FARS2: variants seen among roughly 807,000 people sequenced by gnomAD.
FARS2 encodes the protein phenylalanyl-tRNA synthetase 2, mitochondrial, also known as phenylalanine--tRNA ligase, mitochondrial.
A neutral mutation model predicts 46.4 loss-of-function variants in FARS2; 40 were observed. The ratio of observed to expected loss-of-function variants is 0.86; its 90% CI spans 0.67 to 1.12. The LOEUF (loss-of-function observed/expected upper bound fraction) is 1.12, where lower values mean the gene tolerates loss of function less well. Among genes scored for constraint, FARS2 ranks in the 50% most tolerant of loss-of-function variants. FARS2 has a pLI of 0.00. For missense variants in FARS2, 513 were observed against 567.9 expected (o/e 0.90, Z 0.98); for synonymous variants, 234 against 214.9 (o/e 1.09, Z -0.78).
intron 4 of FARS2, among the ~76,000 whole-genome samples, chr6:5,534,856 C>T (rs1561692428): frequency 6.7e-6 from 1 of 150,060 alleles, no homozygotes; most frequent in Non-Finnish European, 1.5e-5. Context: ...CACACTTGCA[C>T]GCGCACACAC....
intron 4 of FARS2, among the ~76,000 whole-genome samples, chr6:5,499,676 A>G (rs1460289459): frequency 6.6e-6 from 1 of 152,228 alleles, no homozygotes; most frequent in African/African-American, 2.4e-5. Flanking sequence ...TTTGAACTTC[A>G]GGATCATTGT....
At chr6:5,713,868 C>T (rs60588971) in intron 6 of FARS2, among the ~76,000 whole-genome samples, 7 of 152,302 alleles carry the variant, frequency 4.6e-5, no homozygotes, top group South Asian at 4.1e-4. Flanking sequence ...AGCATATTGC[C>T]GTCTTGCTCT....
At chr6:5,349,284 G>C (rs1757425223) in intron 1 of FARS2, among the ~76,000 whole-genome samples, 3 of 152,044 alleles carry the variant, frequency 2.0e-5, no homozygotes, top group African/African-American at 7.2e-5. Flanking sequence ...AAAACATATT[G>C]GATCTGTATG....
At chr6:5,743,517 G>A (rs9504504) in intron 6 of FARS2, among the ~76,000 whole-genome samples, 1 of 152,226 alleles carries the variant, frequency 6.6e-6, no homozygotes, top group Non-Finnish European at 1.5e-5. Flanking sequence ...TTGAATATTA[G>A]AAGGTGAAAG....
intron 6 of FARS2, among the ~76,000 whole-genome samples, chr6:5,673,326 A>G (rs76987288): frequency 0.023 from 3,450 of 152,302 alleles, 142 homozygotes; most frequent in African/African-American, 0.077. Flanking sequence ...TCCTGCCTCC[A>G]GCACCTGCTT....
intron 1 of FARS2, among the ~76,000 whole-genome samples, chr6:5,296,460 C>T (rs1767898826): frequency 6.6e-6 from 1 of 152,074 alleles, no homozygotes; most frequent in Non-Finnish European, 1.5e-5. Context: ...CATTTTTAAG[C>T]ATACAGTTCG....
At chr6:5,349,562 A>G (rs962217188) in intron 1 of FARS2, among the ~76,000 whole-genome samples, 3 of 152,184 alleles carry the variant, frequency 2.0e-5, no homozygotes, top group African/African-American at 7.2e-5. Context: ...TAATCTTTGT[A>G]TTTTACACCC....
chr6:5,417,723 C>T (rs1400970525), intron 3 of FARS2, among the ~76,000 whole-genome samples: 2 of 152,038 alleles, frequency 1.3e-5, no homozygotes, highest in African/African-American at 2.4e-5. Flanking sequence ...ATACAGTTTT[C>T]TTCAGATTTC....
chr6:5,496,544 G>A (rs960151484), intron 4 of FARS2, among the ~76,000 whole-genome samples: 3 of 152,160 alleles, frequency 2.0e-5, no homozygotes, highest in East Asian at 1.9e-4. Context: ...AGTTCTGGAG[G>A]CTACAAATCT....
intron 1 of FARS2, among the ~76,000 whole-genome samples, chr6:5,273,965 G>T (rs558514877): frequency 1.6e-4 from 25 of 152,114 alleles, no homozygotes; most frequent in African/African-American, 5.1e-4. Flanking sequence ...ATTTATATCT[G>T]GTTCTCTATT....
rs191050382 is a variant in FARS2 at position 5,577,946 on chromosome 6, C to T, written c.1065+32606C>T. ...CCTCCCAAGTAGCTGGGACTACAGG[C>T]ACTTGCCACCATGCCTGGCTAATTT... On this transcript the variant is annotated intron_variant, in intron 5 of 6. Coordinates refer to ENST00000274680, the MANE Select transcript of FARS2 (RefSeq NM_006567.5). Among the ~76,000 whole-genome samples the T allele has an allele frequency of 2.3e-3, 355 of 152,186 alleles. 2 individuals are homozygous for T. In the Middle Eastern group the frequency reaches 0.031, roughly 13 times the overall value.
chr6:5,412,436 T>A (rs921624148), intron 3 of FARS2, among the ~76,000 whole-genome samples: 1 of 152,220 alleles, frequency 6.6e-6, no homozygotes, highest in Non-Finnish European at 1.5e-5. Flanking sequence ...CATCCACACG[T>A]GTTGATTCCC....
At chr6:5,625,076 T>C (rs73360252) in intron 6 of FARS2, among the ~76,000 whole-genome samples, 1,891 of 152,292 alleles carry the variant, frequency 0.012, 45 homozygotes, top group African/African-American at 0.042. Context: ...GTTAATGATA[T>C]TGTCTTGAAA....
At chr6:5,729,087 C>T (rs1372099401) in intron 6 of FARS2, among the ~76,000 whole-genome samples, 1 of 152,164 alleles carries the variant, frequency 6.6e-6, no homozygotes, top group Non-Finnish European at 1.5e-5. Flanking sequence ...GCAGATGACT[C>T]TTATTTCCGT....
intron 1 of FARS2, among the ~76,000 whole-genome samples, chr6:5,318,023 C>T (rs1769662349): frequency 6.6e-6 from 1 of 152,038 alleles, no homozygotes; most frequent in East Asian, 1.9e-4. Flanking sequence ...CCACGTGTCT[C>T]ATTAGCCTGT....
chr6:5,710,558 T>C (rs894369648), intron 6 of FARS2, among the ~76,000 whole-genome samples: 17 of 152,200 alleles, frequency 1.1e-4, no homozygotes, highest in African/African-American at 3.9e-4. Context: ...CCCCGCTCAC[T>C]TCCCCGGGGG....
intron 5 of FARS2, among the ~76,000 whole-genome samples, chr6:5,595,338 C>T (rs1050228823): frequency 1.3e-5 from 2 of 152,154 alleles, no homozygotes; most frequent in Admixed American, 6.5e-5. Flanking sequence ...GGGGAAATGA[C>T]GCCTCAGCTG....
At chr6:5,745,952 A>C (rs1437099902) in intron 6 of FARS2, among the ~76,000 whole-genome samples, 1 of 152,174 alleles carries the variant, frequency 6.6e-6, no homozygotes, top group South Asian at 2.1e-4. Context: ...AGGAACCCCA[A>C]AAGGCTGTGA....
At chr6:5,330,621 C>G (rs973542533) in intron 1 of FARS2, among the ~76,000 whole-genome samples, 15 of 152,160 alleles carry the variant, frequency 9.9e-5, no homozygotes, top group Admixed American at 7.9e-4. Context: ...AAATGATTCA[C>G]AAACAGGTGG....
Sources: allele counts gnomAD v4.1 joint callset (sites outside exome capture counted in the v4.1 genomes callset), GRCh38; gene constraint gnomAD v4.1.1; transcripts MANE v1.5; gene names NCBI Gene and HGNC (gene_info 2026-07-23, HGNC 2026-07-21).